Variants in NSD2 observed in about 807,000 individuals in gnomAD.
NSD2 encodes the protein histone-lysine N-methyltransferase NSD2.
Under a neutral mutation model 139.0 loss-of-function variants are expected in NSD2, and 12 were observed. The observed-to-expected ratio is 0.09, with a 90% CI of 0.06 to 0.14. NSD2 has a LOEUF of 0.14. NSD2 is among the 10% of genes least tolerant of loss of function. The pLI is 1.00. For synonymous variants in NSD2, 669 were observed against 648.7 expected (o/e 1.03, Z -0.48); for missense variants, 1,155 against 1,745.0 (o/e 0.66, Z 6.02).
chr4:1,933,466 T>C (rs905536626), intron 6 of NSD2, among the ~76,000 whole-genome samples: 8 of 152,238 alleles, frequency 5.3e-5, no homozygotes, highest in African/African-American at 1.4e-4. Flanking sequence ...CTCGGCTCAC[T>C]GCAAGCTCCG....
At chr4:1,885,009 C>A (rs1714974750) in intron 1 of NSD2, among the ~76,000 whole-genome samples, 1 of 151,772 alleles carries the variant, frequency 6.6e-6, no homozygotes, top group African/African-American at 2.4e-5. Context: ...ACTCAGGAGG[C>A]CGAGGCAGGA....
chr4:1,916,605 G>A (rs1719435831), intron 3 of NSD2, among the ~76,000 whole-genome samples: 1 of 152,218 alleles, frequency 6.6e-6, no homozygotes, highest in Admixed American at 6.5e-5. Context: ...GCCTCCCAAA[G>A]TGGTGGGATT....
intron 1 of NSD2, among the ~76,000 whole-genome samples, chr4:1,880,215 C>T (rs1013537476): frequency 6.6e-6 from 1 of 152,088 alleles, no homozygotes; most frequent in Non-Finnish European, 1.5e-5. Flanking sequence ...AGCAAAGCAT[C>T]TTCTTCTCAT....
Position 1,974,617 on chromosome 4 carries a change from C to T in NSD2, c.3373-246C>T. The T allele has an allele frequency of 3.0e-6, 2 of 657,032 alleles. No homozygotes were observed. Among genetic ancestry groups the T allele is most frequent in the Non-Finnish European group, 5.6e-6 (2 of 355,792 alleles). The allele number at this position is 657,032 out of a possible 1,614,324, so 40.7% of individuals were successfully genotyped here. On this transcript the variant is annotated intron_variant, in intron 18 of 21. Transcript: ENST00000508803. The surrounding 1 kb of genome is among the most constrained non-coding windows in gnomAD (Gnocchi z 4.0). ...ATGGAGGATGCTGGGAGCTCCAGCT[C>T]CCTGTCCTGTCCTCCCCGGCGCTCA...
At chr4:1,911,404 G>A (rs565206830) in intron 3 of NSD2, among the ~76,000 whole-genome samples, 43 of 151,850 alleles carry the variant, frequency 2.8e-4, no homozygotes, top group Admixed American at 1.4e-3. Flanking sequence ...CCTGGCCAAC[G>A]TGATGAAACC....
At chr4:1,914,485 C>T (rs1354616841) in intron 3 of NSD2, among the ~76,000 whole-genome samples, 1 of 152,100 alleles carries the variant, frequency 6.6e-6, no homozygotes, top group African/African-American at 2.4e-5. Flanking sequence ...GCCACCATGC[C>T]TGACTAATTT....
chr4:1,938,024 A>G (rs1421326680), intron 7 of NSD2, among the ~76,000 whole-genome samples: 2 of 152,064 alleles, frequency 1.3e-5, no homozygotes, highest in Admixed American at 1.3e-4. Context: ...TTGATTGGGC[A>G]CCTCTTGAAT....
chr4:1,918,739 A>T (rs1052076562), intron 5 of NSD2, 116 bp downstream of exon 5: 1 of 1,372,994 alleles, frequency 7.3e-7, no homozygotes, highest in African/African-American at 1.5e-5. Flanking sequence ...AGCCTTGCAT[A>T]GATTTTAGAT....
chr4:1,899,329 C>A (rs1716851027), intron 1 of NSD2: 1 of 152,240 alleles, frequency 6.6e-6, no homozygotes, highest in African/African-American at 2.4e-5. Flanking sequence ...GCCGCATAGC[C>A]CTGTTGCGCG....
At chr4:1,902,380 T>C (rs1717302397) in intron 2 of NSD2, among the ~76,000 whole-genome samples, 1 of 152,064 alleles carries the variant, frequency 6.6e-6, no homozygotes, top group Non-Finnish European at 1.5e-5. Flanking sequence ...TGCACCACTA[T>C]ATGCCCAGTT....
chr4:1,941,484 C>T, intron 9 of NSD2: 1 of 1,047,094 alleles, frequency 9.6e-7, no homozygotes, highest in South Asian at 4.6e-5. Context: ...GCTCAGTCTC[C>T]CTGGCCTAGG....
At chr4:1,902,064 G>A (rs752399555) in intron 2 of NSD2, among the ~76,000 whole-genome samples, 25 of 152,166 alleles carry the variant, frequency 1.6e-4, no homozygotes, top group Non-Finnish European at 3.5e-4. Flanking sequence ...TGGGGCAGCA[G>A]TCTCTGTTCA....
At chr4:1,929,821 A>G (rs1721421649) in intron 5 of NSD2, among the ~76,000 whole-genome samples, 1 of 152,132 alleles carries the variant, frequency 6.6e-6, no homozygotes, top group Non-Finnish European at 1.5e-5. Context: ...ACCCCTGGGA[A>G]ACCTTTAACT....
intron 5 of NSD2, among the ~76,000 whole-genome samples, chr4:1,921,698 G>C (rs769890175): frequency 3.0e-4 from 43 of 145,088 alleles, no homozygotes; most frequent in Non-Finnish European, 5.3e-4. Context: ...AGGAGAATCG[G>C]TTGAACCTGG....
At chr4:1,902,215 G>A (rs1717282163) in intron 2 of NSD2, among the ~76,000 whole-genome samples, 1 of 152,094 alleles carries the variant, frequency 6.6e-6, no homozygotes, top group African/African-American at 2.4e-5. Flanking sequence ...CAGTGGTGAA[G>A]TTTTTAAATT....
chr4:1,965,693 C>T (rs1239775994), intron 18 of NSD2, among the ~76,000 whole-genome samples: 1 of 152,184 alleles, frequency 6.6e-6, no homozygotes, highest in African/African-American at 2.4e-5. Context: ...ATTGATGACT[C>T]ACAGTTCCAC....
At chr4:1,912,899 A>G (rs1282456176) in intron 3 of NSD2, among the ~76,000 whole-genome samples, 6 of 152,144 alleles carry the variant, frequency 3.9e-5, no homozygotes, top group African/African-American at 4.8e-5. Flanking sequence ...CTGTAGTTCT[A>G]TGTGGGCAGC....
At chr4:1,964,124 G>C (rs1486409351) in intron 18 of NSD2, among the ~76,000 whole-genome samples, 2 of 152,198 alleles carry the variant, frequency 1.3e-5, no homozygotes, top group East Asian at 3.8e-4. Flanking sequence ...GAGGTAACAA[G>C]ACTACATTTA....
intron 1 of NSD2, among the ~76,000 whole-genome samples, chr4:1,895,253 C>T (rs1716109448): frequency 6.6e-6 from 1 of 152,176 alleles, no homozygotes; most frequent in Non-Finnish European, 1.5e-5. Context: ...CAAATATCTT[C>T]TGGTTCCTGC....
Sources: allele counts gnomAD v4.1 joint callset (sites outside exome capture counted in the v4.1 genomes callset), GRCh38; gene constraint gnomAD v4.1.1; non-coding constraint Gnocchi (gnomAD v3.1); transcripts MANE v1.5; gene names NCBI Gene and HGNC (gene_info 2026-07-23, HGNC 2026-07-21).